The following AWAT2 variants were observed in gnomAD, a reference collection of about 807,000 sequenced individuals.
The protein encoded by AWAT2 is 11-cis-RE-synthase.
AWAT2 carries 9 observed loss-of-function variants against 22.3 expected under a neutral mutation model. That is an observed-to-expected ratio of 0.40 (90% CI 0.24 to 0.70). AWAT2 has a LOEUF of 0.70. Among genes scored for constraint, AWAT2 ranks in the 30% least tolerant of loss-of-function variants. The probability of loss-of-function intolerance (pLI) is 0.36; values close to 1 mark genes in which losing one functional copy is unlikely to be tolerated. For missense variants in AWAT2, 217 were observed against 265.9 expected (o/e 0.82, Z 1.28); for synonymous variants, 100 against 93.4 (o/e 1.07, Z -0.40).
In AWAT2 at chrX:70,043,811, C is replaced by T. The variant is rs765469293; in HGVS notation, c.267+115G>A. The T allele has an allele frequency of 8.5e-3, 8,399 of 988,208 alleles. 140 individuals carry two copies. Among genetic ancestry groups the T allele is most frequent in the African/African-American group, 0.077 (3,972 of 51,747 alleles). The allele number at this position is 988,208 out of a possible 1,213,427, so 81.4% of individuals were successfully genotyped here. On this transcript the variant is annotated intron_variant, in intron 3 of 7. Transcript: ENST00000276101. ...TTGCCCAATGTGCAACTCCAGGGGG[C>T]GTCATTCTCAAGAGGCTCAATGTGG...
intron 1 of AWAT2, among the ~76,000 whole-genome samples, chrX:70,048,012 C>T (rs992670791): frequency 1.1e-4 from 2 of 18,746 alleles, no homozygotes; most frequent in Non-Finnish European, 1.6e-4. Context: ...CCATTTCTCC[C>T]GTGCCCCCAC....
intron 1 of AWAT2, among the ~76,000 whole-genome samples, chrX:70,045,694 A>T (rs190654215): frequency 2.3e-4 from 26 of 112,036 alleles, no homozygotes; most frequent in Non-Finnish European, 4.3e-4. Context: ...CAAGTATAGA[A>T]GTGGAATAAA....
chrX:70,049,303 C>T (rs759330491), intron 1 of AWAT2, among the ~76,000 whole-genome samples: 2 of 112,378 alleles, frequency 1.8e-5, no homozygotes, highest in Non-Finnish European at 3.8e-5. Flanking sequence ...TGATTTGTTT[C>T]AGCATTTAGA....
chrX:70,040,875 A>C lies in AWAT2; in HGVS notation c.*783T>G, dbSNP rs191722242. The C allele has an allele frequency of 1.8e-3, 207 of 111,995 alleles. 2 individuals carry two copies. The highest frequency in any genetic ancestry group is 6.5e-3 in the African/African-American group (201 of 30,801). 9.2% of individuals were successfully genotyped at this position (111,995 alleles called of 1,213,427 possible). A position where few individuals can be genotyped will look rare whatever the true frequency, so the allele number is the denominator to read the frequency against. On this transcript the variant is annotated 3_prime_UTR_variant, in exon 8 of 8. Transcript: ENST00000276101. ...TGAGAGACTTGCCATTCAGAAGGAG[A>C]GTTCTTTATGGCTGCTAAAAGCCAG...
Position 70,041,625 on chromosome X carries a change from G to A in AWAT2, c.*36-3C>T, listed in dbSNP as rs763626298. ...TGCAAAGAAAGGGCAGAAAAGAGCT[G>A]GAAGGAAAAAAAAGGAGGTGGGAAA... is the stretch of plus-strand genomic sequence containing the variant. On this transcript the variant is annotated splice_region_variant and splice_polypyrimidine_tract_variant and intron_variant, in intron 7 of 7. Coordinates refer to ENST00000276101, the MANE Select transcript of AWAT2 (RefSeq NM_001002254.1). 5.7e-5 allele frequency: 25 copies of A among 435,125 alleles called. No homozygotes were observed. Among genetic ancestry groups the A allele is most frequent in the Non-Finnish European group, 9.5e-5 (25 of 263,536 alleles). The allele number at this position is 435,125 out of a possible 1,213,427, so 35.9% of individuals were successfully genotyped here. A position where few individuals can be genotyped will look rare whatever the true frequency, so the allele number is the denominator to read the frequency against.
chrX:70,042,746 C>T (rs997945185), intron 5 of AWAT2, among the ~76,000 whole-genome samples: 3 of 112,158 alleles, frequency 2.7e-5, no homozygotes, highest in Non-Finnish European at 3.8e-5. Flanking sequence ...ATAGAGGGGC[C>T]GGCCCAGATG....
rs754716533 is a variant in AWAT2 at position 70,042,379 on chromosome X, G to A, written c.655C>T (p.Leu219=). ...VRMALQHGVP[L]IPAYAFGETD... ...TCCCCAAAGGCATAGGCAGGTATTA[G>A]AGGCACCCTGCAGAGCAAAAGCATA... Residue 219 remains leucine (L), a synonymous_variant, in exon 6 of 8, where the codon CTA becomes TTA. Coordinates refer to ENST00000276101, the MANE Select transcript of AWAT2 (RefSeq NM_001002254.1). 1.2e-5 allele frequency: 14 copies of A among 1,209,251 alleles called. No homozygotes were observed. In the African/African-American group the frequency reaches 1.4e-4, roughly 12 times the overall value.
Position 70,041,792 on chromosome X carries a change from C to T in AWAT2, c.*16G>A. 8.3e-7 allele frequency: 1 copy of T among 1,209,035 alleles called. No homozygotes were observed. The highest frequency in any genetic ancestry group is 1.1e-6 in the Non-Finnish European group (1 of 893,935). ...CCATACCTTCCAGCCAGGGTGAAGG[C>T]TACTGGGGATGTCTGTCAAATTATC... is the stretch of plus-strand genomic sequence containing the variant. On this transcript the variant is annotated 3_prime_UTR_variant, in exon 7 of 8. Coordinates refer to ENST00000276101, the MANE Select transcript of AWAT2 (RefSeq NM_001002254.1).
chrX:70,042,876 C>CTTTT (rs750632311), intron 5 of AWAT2, 193 bp downstream of exon 5: 14 of 366,943 alleles, frequency 3.8e-5, no homozygotes, highest in South Asian at 8.4e-5. Flanking sequence ...CCTCCTCCCT[C>CTTTT]TTTTTTTTTT....
intron 5 of AWAT2, 159 bp downstream of exon 5, chrX:70,042,910 G>A (rs2020338456): frequency 2.4e-6 from 1 of 416,565 alleles, no homozygotes; most frequent in African/African-American, 2.6e-5. Context: ...TTTTTTAATT[G>A]ACAAATAAAA....
chrX:70,045,725 G>A (rs780041462), intron 1 of AWAT2, among the ~76,000 whole-genome samples: 21 of 111,770 alleles, frequency 1.9e-4, no homozygotes, highest in Admixed American at 7.6e-4. Context: ...GATGCACACC[G>A]TCTCAGATAA....
At chrX:70,044,712 A>T (rs1443862799) in intron 1 of AWAT2, among the ~76,000 whole-genome samples, 2 of 112,156 alleles carry the variant, frequency 1.8e-5, no homozygotes, top group Non-Finnish European at 3.8e-5. Flanking sequence ...CTGAATTCAC[A>T]CTGTAAGCCC....
chrX:70,048,687 G>A (rs2147529288), intron 1 of AWAT2, among the ~76,000 whole-genome samples: 1 of 112,063 alleles, frequency 8.9e-6, no homozygotes, highest in East Asian at 2.8e-4. Flanking sequence ...TTCAAAATGA[G>A]GCGACAGCTC....
intron 2 of AWAT2, 49 bp from the exon 3 acceptor site, chrX:70,044,045 C>T: frequency 1.8e-6 from 2 of 1,133,627 alleles, no homozygotes; most frequent in Non-Finnish European, 2.4e-6. Flanking sequence ...CCACTGTGGG[C>T]CTGCCCCAGG....
Position 70,049,891 on chromosome X carries a change from A to G in AWAT2, c.42T>C (p.Asp14=), listed in dbSNP as rs1371911370. 8.3e-7 allele frequency: 1 copy of G among 1,210,180 alleles called. No individual in the cohort carries two copies. The highest frequency in any genetic ancestry group is 1.7e-5 in the African/African-American group (1 of 57,267). Reference sequence around the variant, plus strand: ...AGGACCACTGGAAAACAGCAAAGACATCCAGGGCAGTCTTGAGGTCCTTCT... The same window carrying G: ...AGGACCACTGGAAAACAGCAAAGACGTCCAGGGCAGTCTTGAGGTCCTTCT... ...PSKKDLKTAL[D]VFAVFQWSFS... Residue 14 remains aspartate, a synonymous_variant, in exon 1 of 8, where the codon GAT becomes GAC. Coordinates refer to ENST00000276101, the MANE Select transcript of AWAT2 (RefSeq NM_001002254.1).
intron 1 of AWAT2, among the ~76,000 whole-genome samples, chrX:70,049,453 T>C (rs963360524): frequency 1.8e-5 from 2 of 111,608 alleles, no homozygotes; most frequent in African/African-American, 6.5e-5. Context: ...CTATCTCTAA[T>C]TGGTGGTTTG....
At chrX:70,044,235 CAGGG>C (rs1478974552) in intron 2 of AWAT2, 113 bp downstream of exon 2, 1 of 1,113,389 alleles carries the variant, frequency 9.0e-7, no homozygotes, top group African/African-American at 1.8e-5. Context: ...CTCTCTAGCC[CAGGG>C]AGGGACAGGC....
At chrX:70,042,837 C>A in intron 5 of AWAT2, 1 of 396,855 alleles carries the variant, frequency 2.5e-6, no homozygotes. Context: ...CAGGACCTGG[C>A]CCCAGCTCTT....
chrX:70,041,935 A>G lies in AWAT2; in HGVS notation c.875T>C (p.Ile292Thr). Residue 292 changes from isoleucine to threonine, a missense_variant, in exon 7 of 8, where the codon ATT (isoleucine) becomes ACT (threonine). Coordinates refer to ENST00000276101, the MANE Select transcript of AWAT2 (RefSeq NM_001002254.1). Reference protein sequence around the residue: ...IVGEPLPMPKIENPSQEIVAK... With the variant: ...IVGEPLPMPKTENPSQEIVAK... ...CACGATCTCCTGGCTTGGATTCTCA[A>G]TCTTGGGCATTGGTAGAGGCTCCCC... 8.3e-7 allele frequency: 1 copy of G among 1,211,479 alleles called. No homozygotes were observed.
Sources: allele counts gnomAD v4.1 joint callset (sites outside exome capture counted in the v4.1 genomes callset), GRCh38; gene constraint gnomAD v4.1.1; transcripts MANE v1.5; gene names NCBI Gene and HGNC (gene_info 2026-07-23, HGNC 2026-07-21).